IMMP2L: variants seen among roughly 807,000 people sequenced by gnomAD.
IMMP2L encodes the protein mitochondrial inner membrane protease subunit 2.
In IMMP2L, 18 loss-of-function variants were observed where a neutral mutation model predicts 19.3. The ratio of observed to expected loss-of-function variants is 0.93; its 90% CI spans 0.64 to 1.38. The LOEUF (loss-of-function observed/expected upper bound fraction) is 1.38. IMMP2L is among the 40% of genes most tolerant of loss of function. IMMP2L has a pLI of 0.00. For missense variants in IMMP2L, 233 were observed against 218.2 expected, an observed-to-expected ratio of 1.07 and a Z score of -0.43; for synonymous variants, 76 against 73.0, an observed-to-expected ratio of 1.04 and a Z score of -0.21.
At chr7:111,447,225 C>T (rs1838574758) in intron 3 of IMMP2L, among the ~76,000 whole-genome samples, 1 of 138,014 alleles carries the variant, frequency 7.2e-6, no homozygotes, top group African/African-American at 2.9e-5. Flanking sequence ...AGATACTCCT[C>T]GAGAAGAGCA....
chr7:110,796,547 T>C (rs976217075), intron 5 of IMMP2L, among the ~76,000 whole-genome samples: 3 of 152,172 alleles, frequency 2.0e-5, no homozygotes, highest in African/African-American at 7.2e-5. Flanking sequence ...TCTCATCCTA[T>C]GGTAACTTAA....
chr7:111,144,666 T>C (rs2129599881), intron 3 of IMMP2L, among the ~76,000 whole-genome samples: 1 of 152,110 alleles, frequency 6.6e-6, no homozygotes, highest in African/African-American at 2.4e-5. Context: ...ACTGGCCATA[T>C]AAAAAACAGT....
chr7:111,074,413 GA>G (rs1563215516), intron 3 of IMMP2L, among the ~76,000 whole-genome samples: 1 of 152,192 alleles, frequency 6.6e-6, no homozygotes, highest in Non-Finnish European at 1.5e-5. Flanking sequence ...TAGCAATGCT[GA>G]AAAAGCCTTC....
At chr7:111,454,201 C>T (rs1217900184) in intron 3 of IMMP2L, among the ~76,000 whole-genome samples, 1 of 152,024 alleles carries the variant, frequency 6.6e-6, no homozygotes, top group Non-Finnish European at 1.5e-5. Context: ...GATGCGATCG[C>T]AACTAACTGA....
chr7:110,863,619 C>A (rs1486169272), intron 5 of IMMP2L, among the ~76,000 whole-genome samples: 1 of 152,056 alleles, frequency 6.6e-6, no homozygotes, highest in Non-Finnish European at 1.5e-5. Context: ...TGGCAATGAG[C>A]CATAGGTCCC....
At chr7:110,941,368 A>G (rs1816715710) in intron 4 of IMMP2L, among the ~76,000 whole-genome samples, 1 of 152,168 alleles carries the variant, frequency 6.6e-6, no homozygotes, top group Non-Finnish European at 1.5e-5. Flanking sequence ...AAAACTATAG[A>G]TGGTCTCAAA....
At chr7:111,461,188 C>T (rs1485366531) in intron 3 of IMMP2L, among the ~76,000 whole-genome samples, 1 of 151,982 alleles carries the variant, frequency 6.6e-6, no homozygotes, top group Non-Finnish European at 1.5e-5. Context: ...ATTTCAAATT[C>T]TTTTCCTAAA....
At chr7:110,669,075 GTGTGTGTGTGTGTGTATA>G (rs1562903273) in intron 5 of IMMP2L, among the ~76,000 whole-genome samples, 10 of 94,688 alleles carry the variant, frequency 1.1e-4, no homozygotes, top group African/African-American at 5.0e-4. Flanking sequence ...GTGTGTGTGT[GTGTGTGTGTGTGTGTATA>G]TGTATATATA....
chr7:111,056,399 C>A (rs1011057362), intron 3 of IMMP2L, among the ~76,000 whole-genome samples: 1 of 152,190 alleles, frequency 6.6e-6, no homozygotes, highest in Non-Finnish European at 1.5e-5. Context: ...TATTTACACA[C>A]AATAATTACT....
rs143468869 is a variant in IMMP2L, at chr7:111,481,270, G to A, written c.239+5968C>T. ...AAATAAGAGATGTAGACATACCAGG[G>A]CCAGAATGACTTCTTTGGTGAGAAT... On this transcript the variant is annotated intron_variant, in intron 3 of 5. Transcript: ENST00000405709. Among the ~76,000 whole-genome samples, 389 of 152,228 alleles carry A rather than the reference G, an allele frequency of 2.6e-3. 5 individuals are homozygous for A. The South Asian group carries it at 0.027, about 11-fold the overall frequency.
intron 4 of IMMP2L, among the ~76,000 whole-genome samples, chr7:110,904,288 G>C (rs1363298382): frequency 2.6e-5 from 4 of 151,968 alleles, no homozygotes; most frequent in Non-Finnish European, 4.4e-5. Context: ...TGTTTTCATT[G>C]ACTTTACTTT....
intron 3 of IMMP2L, among the ~76,000 whole-genome samples, chr7:111,091,810 G>A (rs553672832): frequency 3.9e-5 from 6 of 151,978 alleles, no homozygotes; most frequent in Non-Finnish European, 8.8e-5. Context: ...CAGAAGAGAA[G>A]GGAACAGTGG....
At chr7:111,529,822 T>C (rs1847226560) in intron 1 of IMMP2L, among the ~76,000 whole-genome samples, 1 of 152,172 alleles carries the variant, frequency 6.6e-6, no homozygotes, top group Admixed American at 6.5e-5. Flanking sequence ...ATGTATTCAA[T>C]CTTAAGTCAG....
intron 3 of IMMP2L, among the ~76,000 whole-genome samples, chr7:111,029,662 A>T (rs1330921263): frequency 1.3e-5 from 2 of 152,194 alleles, no homozygotes; most frequent in Non-Finnish European, 2.9e-5. Flanking sequence ...TAAAAATAGT[A>T]AGCCTACCAA....
chr7:110,997,465 C>G (rs1823159933), intron 3 of IMMP2L, among the ~76,000 whole-genome samples: 1 of 152,056 alleles, frequency 6.6e-6, no homozygotes, highest in African/African-American at 2.4e-5. Context: ...GCAGCAGTAC[C>G]ATTTACATCC....
At chr7:111,236,615 G>T (rs186998478) in intron 3 of IMMP2L, among the ~76,000 whole-genome samples, 138 of 152,134 alleles carry the variant, frequency 9.1e-4, no homozygotes, top group Non-Finnish European at 1.5e-3. Context: ...AGGGCTGTAC[G>T]AGGACCTTCT....
At chr7:111,149,922 G>T (rs1803888067) in intron 3 of IMMP2L, among the ~76,000 whole-genome samples, 1 of 152,128 alleles carries the variant, frequency 6.6e-6, no homozygotes, top group Admixed American at 6.6e-5. Context: ...AAAAACAACT[G>T]CTGGCTATTC....
At chr7:111,067,885 T>C (rs986395062) in intron 3 of IMMP2L, among the ~76,000 whole-genome samples, 14 of 152,198 alleles carry the variant, frequency 9.2e-5, no homozygotes, top group African/African-American at 3.4e-4. Context: ...ATATGCATGG[T>C]CATAGTCTCT....
chr7:110,889,326 C>A (rs779764448), intron 4 of IMMP2L, among the ~76,000 whole-genome samples: 3 of 152,032 alleles, frequency 2.0e-5, no homozygotes, highest in Admixed American at 6.6e-5. Context: ...CAGTGGGAGT[C>A]CTGAGCTTGT....
Sources: gnomAD v4.1 joint callset for allele counts (sites outside exome capture counted in the v4.1 genomes callset) on GRCh38, gnomAD v4.1.1 for gene constraint, MANE v1.5 for transcripts, NCBI Gene and HGNC (gene_info 2026-07-23, HGNC 2026-07-21) for gene names.